THSD7A: variants seen among roughly 807,000 people sequenced by gnomAD.
THSD7A encodes the protein thrombospondin type-1 domain-containing protein 7A.
THSD7A carries 96 observed loss-of-function variants against 231.3 expected under a neutral mutation model. The ratio of observed to expected loss-of-function variants is 0.41; its 90% CI spans 0.35 to 0.49. THSD7A has a LOEUF of 0.49. Ranked by LOEUF, THSD7A falls within the 20% of genes least tolerant of loss-of-function variation. The probability of loss-of-function intolerance (pLI) is 0.05; values close to 1 mark genes in which losing one functional copy is unlikely to be tolerated. For missense variants in THSD7A, 2,290 were observed against 2,070.2 expected, an observed-to-expected ratio of 1.11 and a Z score of -2.06; for synonymous variants, 940 against 743.3, an observed-to-expected ratio of 1.26 and a Z score of -4.30.
At chr7:11,795,071 G>A (rs1054137021) in intron 1 of THSD7A, among the ~76,000 whole-genome samples, 1 of 151,790 alleles carries the variant, frequency 6.6e-6, no homozygotes, top group South Asian at 2.1e-4. Flanking sequence ...CAGGTGAGTT[G>A]TTTTTTAAAT....
chr7:11,645,573 A>G (rs13236165), intron 1 of THSD7A, among the ~76,000 whole-genome samples: 67,759 of 151,504 alleles, frequency 0.45, 15,334 homozygotes, highest in South Asian at 0.64. Flanking sequence ...TATTTTTTCT[A>G]CACAGTTAGA....
Position 11,541,648 on chromosome 7 carries a change from G to A in THSD7A, c.1610-17C>T. 1 of 1,606,620 alleles carries A rather than the reference G, an allele frequency of 6.2e-7. No individual in the cohort carries two copies. Among genetic ancestry groups the A allele is most frequent in the Non-Finnish European group, 8.5e-7 (1 of 1,174,414 alleles). On this transcript the variant is annotated splice_polypyrimidine_tract_variant and intron_variant, in intron 5 of 27. Transcript: ENST00000423059. ...GTTTGAAGCCTGAATTATGGGGGAAGGAAAAATCTATTGTTACTATCAAAG... is the reference window on the plus strand; with the variant it reads ...GTTTGAAGCCTGAATTATGGGGGAAAGAAAAATCTATTGTTACTATCAAAG...
chr7:11,483,675 AG>A, intron 6 of THSD7A, among the ~76,000 whole-genome samples: 1 of 152,252 alleles, frequency 6.6e-6, no homozygotes, highest in East Asian at 1.9e-4. Flanking sequence ...TCTTAGTGCA[AG>A]GGGTGCTCTC....
intron 6 of THSD7A, among the ~76,000 whole-genome samples, chr7:11,490,896 G>A (rs1278504073): frequency 2.0e-5 from 3 of 152,106 alleles, no homozygotes; most frequent in South Asian, 4.2e-4. Flanking sequence ...CATATTAACT[G>A]AGAAAAATTT....
intron 8 of THSD7A, among the ~76,000 whole-genome samples, chr7:11,473,756 C>T (rs958339700): frequency 2.6e-5 from 4 of 152,048 alleles, no homozygotes; most frequent in Admixed American, 1.3e-4. Flanking sequence ...CTCAAAAGCA[C>T]CCTGAGAAAA....
At chr7:11,777,451 ACACACACACT>A (rs1783449632) in intron 1 of THSD7A, among the ~76,000 whole-genome samples, 1 of 109,768 alleles carries the variant, frequency 9.1e-6, no homozygotes, top group Admixed American at 8.9e-5. Context: ...ACACACACAC[ACACACACACT>A]CTTTAACTGG....
chr7:11,465,588 G>A (rs906078133), intron 9 of THSD7A, among the ~76,000 whole-genome samples: 6 of 151,854 alleles, frequency 4.0e-5, no homozygotes, highest in Admixed American at 1.3e-4. Flanking sequence ...TCATTAAACT[G>A]GATATGGGAT....
intron 2 of THSD7A, among the ~76,000 whole-genome samples, chr7:11,611,787 A>AACACACACACAC (rs56683135): frequency 3.6e-5 from 5 of 138,786 alleles, no homozygotes; most frequent in African/African-American, 1.4e-4. Flanking sequence ...AGTACCATAA[A>AACACACACACAC]ACACACACAC....
intron 4 of THSD7A, among the ~76,000 whole-genome samples, chr7:11,552,866 C>T (rs1440607989): frequency 6.6e-6 from 1 of 152,054 alleles, no homozygotes; most frequent in African/African-American, 2.4e-5. Flanking sequence ...CCTAATCAAA[C>T]CAATCTGTGA....
chr7:11,413,054 C>G (rs1783838017), intron 17 of THSD7A, among the ~76,000 whole-genome samples: 1 of 151,962 alleles, frequency 6.6e-6, no homozygotes, highest in African/African-American at 2.4e-5. Context: ...TATACACAGC[C>G]ACACATATGG....
chr7:11,815,653 T>G (rs892626481), intron 1 of THSD7A, among the ~76,000 whole-genome samples: 1 of 152,190 alleles, frequency 6.6e-6, no homozygotes, highest in African/African-American at 2.4e-5. Context: ...AGAATTATAA[T>G]AGTTCATTTA....
intron 2 of THSD7A, among the ~76,000 whole-genome samples, chr7:11,600,457 A>C (rs1198618387): frequency 6.6e-6 from 1 of 152,092 alleles, no homozygotes; most frequent in East Asian, 1.9e-4. Flanking sequence ...TTATCTATCT[A>C]CTTGTACTTT....
intron 1 of THSD7A, among the ~76,000 whole-genome samples, chr7:11,740,661 T>A (rs553336793): frequency 6.6e-6 from 1 of 151,948 alleles, no homozygotes; most frequent in Admixed American, 6.6e-5. Flanking sequence ...AAGTCACCTT[T>A]TGAGAAATGC....
intron 1 of THSD7A, among the ~76,000 whole-genome samples, chr7:11,744,041 T>C (rs924880524): frequency 1.3e-5 from 2 of 151,912 alleles, no homozygotes; most frequent in Non-Finnish European, 2.9e-5. Flanking sequence ...TATAGCAATT[T>C]CGTGGTTCTT....
chr7:11,404,571 A>T (rs1245029583), intron 22 of THSD7A, among the ~76,000 whole-genome samples: 1 of 152,220 alleles, frequency 6.6e-6, no homozygotes, highest in Non-Finnish European at 1.5e-5. Flanking sequence ...CCACAGCCTT[A>T]GGCTGGGTCT....
chr7:11,499,345 T>G (rs1787238038), intron 6 of THSD7A, among the ~76,000 whole-genome samples: 1 of 152,010 alleles, frequency 6.6e-6, no homozygotes, highest in Admixed American at 6.6e-5. Context: ...GCAAATGACT[T>G]GACCACAACC....
intron 6 of THSD7A, among the ~76,000 whole-genome samples, chr7:11,538,507 T>A (rs1789008260): frequency 6.6e-6 from 1 of 152,236 alleles, no homozygotes; most frequent in East Asian, 1.9e-4. Context: ...TTTGCCAGAT[T>A]TACACCTTTA....
At chr7:11,785,399 C>T (rs532538314) in intron 1 of THSD7A, among the ~76,000 whole-genome samples, 2 of 152,174 alleles carry the variant, frequency 1.3e-5, no homozygotes, top group African/African-American at 2.4e-5. Flanking sequence ...CCCTATTTTA[C>T]TGTTGATCCT....
At position 11,590,700 on chromosome 7, in the gene THSD7A, C is replaced by T; in HGVS notation, c.1272-59G>A. On this transcript the variant is annotated intron_variant, in intron 3 of 27. Transcript: ENST00000423059. The surrounding 1 kb of genome is among the most constrained non-coding windows in gnomAD (Gnocchi z 4.4). ...AATTATTGAATGACGTGTTTCTCTA[C>T]TCCTGTCATACTTTGTTTTAACGAA... 1 of 1,515,076 alleles carries T rather than the reference C, an allele frequency of 6.6e-7. No homozygotes were observed. The allele number at this position is 1,515,076 out of a possible 1,614,324, so 93.9% of individuals were successfully genotyped here.
Sources: gnomAD v4.1 joint callset for allele counts (sites outside exome capture counted in the v4.1 genomes callset) on GRCh38, gnomAD v4.1.1 for gene constraint, Gnocchi (gnomAD v3.1) non-coding constraint, MANE v1.5 for transcripts, NCBI Gene and HGNC (gene_info 2026-07-23, HGNC 2026-07-21) for gene names.